Variants in NEO1 observed in about 807,000 individuals in gnomAD.
NEO1 encodes the protein neogenin.
A neutral mutation model predicts 159.7 loss-of-function variants in NEO1; 63 were observed. The ratio of observed to expected loss-of-function variants is 0.39; its 90% CI spans 0.32 to 0.49. The LOEUF is 0.49. Among genes scored for constraint, NEO1 ranks in the 20% least tolerant of loss-of-function variants. NEO1 has a pLI of 0.85. For missense variants in NEO1, 1,615 were observed against 1,831.0 expected (o/e 0.88, Z 2.15); for synonymous variants, 633 against 662.0 (o/e 0.96, Z 0.67).
intron 1 of NEO1, among the ~76,000 whole-genome samples, chr15:73,112,735 T>C (rs938456649): frequency 1.8e-4 from 27 of 152,208 alleles, no homozygotes; most frequent in Non-Finnish European, 3.4e-4. Context: ...ACAAGGTCCT[T>C]AACATTTATA....
chr15:73,056,317 A>T (rs373187932), intron 1 of NEO1, among the ~76,000 whole-genome samples: 3 of 152,196 alleles, frequency 2.0e-5, no homozygotes, highest in African/African-American at 7.2e-5. Flanking sequence ...CTCCTTATCT[A>T]GTCAATGAAT....
At chr15:73,112,426 A>G (rs759956951) in intron 1 of NEO1, among the ~76,000 whole-genome samples, 16 of 151,434 alleles carry the variant, frequency 1.1e-4, no homozygotes, top group Non-Finnish European at 1.9e-4. Context: ...TTTTGCCATA[A>G]AAAATTTTTT....
intron 2 of NEO1, among the ~76,000 whole-genome samples, chr15:73,121,837 A>G (rs986488817): frequency 6.6e-6 from 1 of 151,954 alleles, no homozygotes; most frequent in Non-Finnish European, 1.5e-5. Flanking sequence ...TGCCCTTTTG[A>G]TATGTCCACA....
intron 1 of NEO1, among the ~76,000 whole-genome samples, chr15:73,082,938 CTAAAA>C (rs1009666644): frequency 6.6e-6 from 1 of 152,064 alleles, no homozygotes; most frequent in Non-Finnish European, 1.5e-5. Context: ...CAGACCCTGG[CTAAAA>C]TGTGTGTCTG....
chr15:73,272,151 G>A (rs941490243), intron 18 of NEO1, among the ~76,000 whole-genome samples: 1 of 152,076 alleles, frequency 6.6e-6, no homozygotes, highest in African/African-American at 2.4e-5. Flanking sequence ...TACGTTACCT[G>A]GTATACGGTA....
chr15:73,234,246 A>T (rs2039059913), intron 7 of NEO1, among the ~76,000 whole-genome samples: 2 of 152,230 alleles, frequency 1.3e-5, no homozygotes, highest in Admixed American at 6.5e-5. Flanking sequence ...ATTTTACAAT[A>T]ATCGGAGATC....
At chr15:73,064,390 C>G (rs1456504272) in intron 1 of NEO1, among the ~76,000 whole-genome samples, 1 of 152,200 alleles carries the variant, frequency 6.6e-6, no homozygotes, top group Admixed American at 6.5e-5. Flanking sequence ...CTTTGTCTCT[C>G]TCATTCTCAT....
At chr15:73,184,153 A>G (rs1326229477) in intron 7 of NEO1, among the ~76,000 whole-genome samples, 2 of 151,392 alleles carry the variant, frequency 1.3e-5, no homozygotes, top group African/African-American at 2.4e-5. Flanking sequence ...TTTAAAATTA[A>G]TTAATTAATT....
intron 25 of NEO1, among the ~76,000 whole-genome samples, chr15:73,292,420 G>A (rs1049262715): frequency 6.6e-6 from 1 of 152,154 alleles, no homozygotes; most frequent in Non-Finnish European, 1.5e-5. Flanking sequence ...CCTGTTTGGT[G>A]GGGGTAGAGC....
intron 28 of NEO1, 39 bp from the exon 29 acceptor site, chr15:73,302,574 C>A: frequency 6.3e-7 from 1 of 1,590,230 alleles, no homozygotes; most frequent in Non-Finnish European, 8.6e-7. Flanking sequence ...TGAGCTGCTC[C>A]CTGGATCCAG....
chr15:73,052,290 A>G (rs1419405436), upstream of NEO1, among the ~76,000 whole-genome samples: 1 of 106,658 alleles, frequency 9.4e-6, no homozygotes, highest in Non-Finnish European at 2.0e-5. Flanking sequence ...CGCGCCCGGG[A>G]CTCCCGCCCC....
chr15:73,227,385 A>G (rs2038648186), intron 7 of NEO1, among the ~76,000 whole-genome samples: 1 of 152,074 alleles, frequency 6.6e-6, no homozygotes, highest in Non-Finnish European at 1.5e-5. Flanking sequence ...AATCCCAGCT[A>G]CCCGGGAGGC....
intron 1 of NEO1, among the ~76,000 whole-genome samples, chr15:73,081,661 G>T (rs889036739): frequency 6.6e-6 from 1 of 150,856 alleles, no homozygotes; most frequent in Non-Finnish European, 1.5e-5. Flanking sequence ...CTGTAGCCTC[G>T]ACCTCCTGGA....
intron 1 of NEO1, among the ~76,000 whole-genome samples, chr15:73,071,075 G>A (rs2068508168): frequency 6.6e-6 from 1 of 151,836 alleles, no homozygotes. Context: ...AGCCTCCTGA[G>A]TAGCTTGGAC....
chr15:73,064,072 A>G (rs2068095872), intron 1 of NEO1, among the ~76,000 whole-genome samples: 1 of 152,196 alleles, frequency 6.6e-6, no homozygotes, highest in Admixed American at 6.5e-5. Flanking sequence ...AAAATTCTGT[A>G]AGCTTTGTGG....
chr15:73,247,389 AAT>A (rs1212892889), intron 9 of NEO1, among the ~76,000 whole-genome samples: 2 of 152,216 alleles, frequency 1.3e-5, no homozygotes, highest in Non-Finnish European at 2.9e-5. Flanking sequence ...TTGGCCAATG[AAT>A]ATATTGAAAA....
chr15:73,092,965 A>G (rs993450832), intron 1 of NEO1, among the ~76,000 whole-genome samples: 1 of 152,142 alleles, frequency 6.6e-6, no homozygotes, highest in Non-Finnish European at 1.5e-5. Context: ...AATCCCATCC[A>G]GCATACCATA....
chr15:73,226,234 G>A (rs571432635), intron 7 of NEO1, among the ~76,000 whole-genome samples: 2 of 152,290 alleles, frequency 1.3e-5, no homozygotes, highest in East Asian at 3.9e-4. Flanking sequence ...GTTTGTTCTT[G>A]CAGTCAATCT....
At chr15:73,083,620 T>A (rs2069191204) in intron 1 of NEO1, among the ~76,000 whole-genome samples, 1 of 152,160 alleles carries the variant, frequency 6.6e-6, no homozygotes, top group Non-Finnish European at 1.5e-5. Flanking sequence ...CTCTAATATG[T>A]TTTATATATG....
Sources: gnomAD v4.1 joint callset for allele counts (sites outside exome capture counted in the v4.1 genomes callset) on GRCh38, gnomAD v4.1.1 for gene constraint, MANE v1.5 for transcripts, NCBI Gene and HGNC (gene_info 2026-07-23, HGNC 2026-07-21) for gene names.